Variants in SPRED2 observed in about 807,000 individuals in gnomAD.
SPRED2 encodes sprouty-related, EVH1 domain-containing protein 2.
In SPRED2, 47 loss-of-function variants were observed where a neutral mutation model predicts 43.0. That is an observed-to-expected ratio of 1.09 (90% CI 0.87 to 1.40). The LOEUF is 1.40. SPRED2 is among the 40% of genes most tolerant of loss of function. SPRED2 has a pLI of 0.00. For missense variants in SPRED2, 561 were observed against 586.4 expected (o/e 0.96, Z 0.45); for synonymous variants, 225 against 225.7 (o/e 1.00, Z 0.03).
intron 1 of SPRED2, among the ~76,000 whole-genome samples, chr2:65,413,586 G>A (rs536239877): frequency 2.6e-5 from 4 of 152,200 alleles, no homozygotes; most frequent in Non-Finnish European, 5.9e-5. Flanking sequence ...ACTTGCTGAC[G>A]ATTAGAGCTG....
At chr2:65,405,607 C>T (rs72824319) in intron 1 of SPRED2, among the ~76,000 whole-genome samples, 6 of 152,136 alleles carry the variant, frequency 3.9e-5, no homozygotes, top group Admixed American at 3.3e-4. Context: ...GGCTTCAACG[C>T]CCCCAGAAGA....
intron 1 of SPRED2, among the ~76,000 whole-genome samples, chr2:65,369,294 C>T (rs1260246946): frequency 6.7e-6 from 1 of 148,674 alleles, no homozygotes; most frequent in Non-Finnish European, 1.5e-5. Flanking sequence ...TACACACACA[C>T]ATGCACACAT....
At position 65,313,163 on chromosome 2, in the gene SPRED2, C is replaced by T. The variant is rs1348277844; in HGVS notation, c.*338G>A. ...GCAGACTCCTTTGAACTGGAAGAGGCGGGGGAGGAGGAAACAGGAAATCAA... is the reference window on the plus strand; with the variant it reads ...GCAGACTCCTTTGAACTGGAAGAGGTGGGGGAGGAGGAAACAGGAAATCAA... On this transcript the variant is annotated 3_prime_UTR_variant, in exon 6 of 6. Coordinates refer to ENST00000356388, the MANE Select transcript of SPRED2 (RefSeq NM_181784.3). 2.1e-5 allele frequency: 22 copies of T among 1,037,924 alleles called. No individual in the cohort carries two copies. Among genetic ancestry groups the T allele is most frequent in the Non-Finnish European group, 2.5e-5 (22 of 864,766 alleles). 64.3% of individuals were successfully genotyped at this position (1,037,924 alleles called of 1,614,324 possible).
intron 1 of SPRED2, chr2:65,377,666 A>G (rs555511321): frequency 7.2e-5 from 34 of 471,200 alleles, no homozygotes; most frequent in South Asian, 5.3e-4. Flanking sequence ...AGCTGGAGAT[A>G]AGACTGCATA....
Position 65,334,725 on chromosome 2 carries a change from T to G in SPRED2, c.253A>C (p.Asn85His). The G allele has an allele frequency of 6.2e-7, 1 of 1,614,230 alleles. No individual in the cohort carries two copies. The part of the protein sequence containing the change: ...VRKDLVYTKA[N>H]PTFHHWKVDN... ...ACCTTCCAGTGATGAAACGTTGGAT[T>G]GGCTTTGGTGTAGACCAAGTCCTTT... The change falls in exon 3 of 6, where the codon AAT becomes CAT. Residue 85 changes from asparagine (N) to histidine (H), a missense_variant. By Grantham distance (68) the Asn-to-His change is moderately conservative. Coordinates refer to ENST00000356388, the MANE Select transcript of SPRED2 (RefSeq NM_181784.3).
At chr2:65,380,457 T>C (rs2103643642) in intron 1 of SPRED2, among the ~76,000 whole-genome samples, 1 of 152,270 alleles carries the variant, frequency 6.6e-6, no homozygotes, top group South Asian at 2.1e-4. Context: ...TGGAACTGCC[T>C]TCGAGGCTAG....
At position 65,358,941 on chromosome 2, in the gene SPRED2, G is replaced by A. The variant is rs1222487830; in HGVS notation, c.27-14045C>T. ...GGGTGGGGTGAGGGAGAAAAGGTAA[G>A]GAGGAGGAATTCTTCTTAAACTTCT... On this transcript the variant is annotated intron_variant, in intron 1 of 5. Transcript: ENST00000356388. Among the ~76,000 whole-genome samples, 4 of 152,194 alleles carry A rather than the reference G, an allele frequency of 2.6e-5. No individual in the cohort carries two copies. The East Asian group carries it at 7.7e-4, about 29-fold the overall frequency.
chr2:65,342,334 G>A (rs965792301), intron 2 of SPRED2, among the ~76,000 whole-genome samples: 41 of 143,964 alleles, frequency 2.8e-4, no homozygotes, highest in Admixed American at 1.4e-4. Flanking sequence ...TTTTGTATAC[G>A]TATATTATGT....
At chr2:65,354,145 T>C (rs781658951) in intron 1 of SPRED2, among the ~76,000 whole-genome samples, 6 of 152,176 alleles carry the variant, frequency 3.9e-5, no homozygotes, top group Non-Finnish European at 8.8e-5. Context: ...GGCAGGCAAT[T>C]AGGGATCCTC....
chr2:65,431,270 C>G (rs530301585), intron 1 of SPRED2, among the ~76,000 whole-genome samples: 105 of 151,868 alleles, frequency 6.9e-4, no homozygotes, highest in African/African-American at 2.3e-3. Flanking sequence ...CCCCGCCGCA[C>G]ACGCCTCGGT....
At chr2:65,368,914 A>G (rs1353847530) in intron 1 of SPRED2, among the ~76,000 whole-genome samples, 1 of 152,152 alleles carries the variant, frequency 6.6e-6, no homozygotes, top group Non-Finnish European at 1.5e-5. Flanking sequence ...GTCTCTACAA[A>G]AAATACAAAA....
chr2:65,386,612 A>T (rs1412607525), intron 1 of SPRED2, among the ~76,000 whole-genome samples: 2 of 152,246 alleles, frequency 1.3e-5, no homozygotes, highest in African/African-American at 4.8e-5. Context: ...GCAATCATGA[A>T]TTTGACAAAT....
intron 2 of SPRED2, among the ~76,000 whole-genome samples, chr2:65,340,657 C>T (rs753287376): frequency 6.6e-6 from 1 of 152,190 alleles, no homozygotes; most frequent in Non-Finnish European, 1.5e-5. Context: ...CCTGACTACT[C>T]GTGAATGGTT....
At chr2:65,426,698 C>T (rs966190641) in intron 1 of SPRED2, among the ~76,000 whole-genome samples, 1 of 152,100 alleles carries the variant, frequency 6.6e-6, no homozygotes, top group Non-Finnish European at 1.5e-5. Context: ...TGGCTGGGGG[C>T]ATGAGCAGAA....
chr2:65,400,201 C>G (rs867584490), intron 1 of SPRED2, among the ~76,000 whole-genome samples: 1 of 152,162 alleles, frequency 6.6e-6, no homozygotes, highest in Non-Finnish European at 1.5e-5. Context: ...TTATATGACA[C>G]TTTTAACTAA....
intron 1 of SPRED2, among the ~76,000 whole-genome samples, chr2:65,410,149 A>C (rs1676121658): frequency 6.6e-6 from 1 of 152,084 alleles, no homozygotes; most frequent in East Asian, 1.9e-4. Flanking sequence ...AGGCAGGAGG[A>C]TAACTTGAGC....
chr2:65,327,934 G>A (rs6714674), intron 4 of SPRED2, among the ~76,000 whole-genome samples: 26 of 151,096 alleles, frequency 1.7e-4, no homozygotes, highest in African/African-American at 2.9e-4. Flanking sequence ...ATGTTGGCCA[G>A]GCTGGTCTTG....
At position 65,384,654 on chromosome 2, in the gene SPRED2, C is replaced by T. The variant is rs79034619; in HGVS notation, c.27-39758G>A. Among the ~76,000 whole-genome samples, 403 of 152,252 alleles carry T rather than the reference C, an allele frequency of 2.6e-3. 2 individuals are homozygous for T. The highest frequency in any genetic ancestry group is 9.4e-3 in the African/African-American group (389 of 41,556). ...CCCCAGAAGGCAGATGCTACCCCCA[C>T]GGAGAAAAGCCCTCCTTACCTCTTC... On this transcript the variant is annotated intron_variant, in intron 1 of 5. Transcript: ENST00000356388.
chr2:65,339,854 A>G (rs532942615), intron 2 of SPRED2, among the ~76,000 whole-genome samples: 22 of 152,242 alleles, frequency 1.4e-4, no homozygotes, highest in African/African-American at 4.8e-4. Flanking sequence ...TCAAAGAAGA[A>G]TATCTACAAT....
Sources: gnomAD v4.1 joint callset for allele counts (sites outside exome capture counted in the v4.1 genomes callset) on GRCh38, gnomAD v4.1.1 for gene constraint, MANE v1.5 for transcripts, NCBI Gene and HGNC (gene_info 2026-07-23, HGNC 2026-07-21) for gene names.